Variants in RASA3 observed in about 807,000 individuals in gnomAD.
RASA3 encodes the protein RAS p21 protein activator 3, also known as ras GTPase-activating protein 3.
A neutral mutation model predicts 110.0 loss-of-function variants in RASA3; 73 were observed. The observed-to-expected ratio is 0.66, with a 90% confidence interval of 0.55 to 0.81. The LOEUF (loss-of-function observed/expected upper bound fraction) is 0.81. RASA3 is among the 30% of genes least tolerant of loss of function. RASA3 has a pLI of 0.00. For missense variants in RASA3, 976 were observed against 1,113.2 expected (o/e 0.88, Z 1.75); for synonymous variants, 500 against 451.4 (o/e 1.11, Z -1.37).
At chr13:114,019,004 A>G in intron 9 of RASA3, 85 bp from the exon 10 acceptor site, 1 of 1,536,368 alleles carries the variant, frequency 6.5e-7, no homozygotes, top group Non-Finnish European at 8.9e-7. Context: ...TGCCTGCTTG[A>G]GGTCGACTGG....
At chr13:114,017,563 C>T (rs1490118595) in intron 11 of RASA3, among the ~76,000 whole-genome samples, 3 of 152,262 alleles carry the variant, frequency 2.0e-5, no homozygotes, top group Admixed American at 6.5e-5. Flanking sequence ...CAGAGGGAAC[C>T]GTTCGGCTAC....
intron 8 of RASA3, among the ~76,000 whole-genome samples, chr13:114,022,573 G>A (rs768023428): frequency 2.6e-4 from 39 of 152,306 alleles, no homozygotes; most frequent in East Asian, 7.7e-4. Flanking sequence ...AATCCTGCAG[G>A]GAAGTGGCAC....
rs577268281 is a variant in RASA3, at chr13:114,048,606, GCAGCGCCCGGCAGCCGAGTC to G, written c.277+3426_277+3445del. ...AGTTTCCGGTCTGTGCTCTGTGAGG[GCAGCGCCCGGCAGCCGAGTC>G]CAGGCAGAGGCCGCCTCCCTGCGCC... On this transcript the variant is annotated intron_variant, in intron 3 of 23. Coordinates refer to ENST00000334062, the MANE Select transcript of RASA3 (RefSeq NM_007368.4). This position sits in a 1 kb window ranked among gnomAD's most constrained non-coding sequence, Gnocchi z 4.3. Among the ~76,000 whole-genome samples, 8 of 152,328 alleles carry G rather than the reference GCAGCGCCCGGCAGCCGAGTC, an allele frequency of 5.3e-5. No individual in the cohort carries two copies. Among genetic ancestry groups the G allele is most frequent in the Non-Finnish European group, 1.0e-4 (7 of 68,026 alleles).
chr13:114,035,272 A>G (rs1329517375), intron 4 of RASA3, among the ~76,000 whole-genome samples: 2 of 152,260 alleles, frequency 1.3e-5, no homozygotes, highest in African/African-American at 2.4e-5. Context: ...AAATTCCCAC[A>G]GGAAAGGAAC....
chr13:114,088,686 G>T (rs2079851338), intron 1 of RASA3, among the ~76,000 whole-genome samples: 1 of 152,192 alleles, frequency 6.6e-6, no homozygotes, highest in South Asian at 2.1e-4. Context: ...GAGAAGTTGG[G>T]ATTACAAGCG....
chr13:113,994,229 T>A (rs2053184421), intron 21 of RASA3, among the ~76,000 whole-genome samples: 1 of 152,228 alleles, frequency 6.6e-6, no homozygotes, highest in Non-Finnish European at 1.5e-5. Context: ...TGATCAGATG[T>A]CAATACTGTA....
intron 1 of RASA3, among the ~76,000 whole-genome samples, chr13:114,083,555 C>T (rs1045311161): frequency 7.2e-6 from 1 of 139,526 alleles, no homozygotes; most frequent in African/African-American, 2.6e-5. Flanking sequence ...GGGGAAATCA[C>T]GGGGAAGTGG....
chr13:114,009,504 A>G (rs746465627), intron 16 of RASA3, 40 bp from the exon 17 acceptor site: 23 of 1,347,232 alleles, frequency 1.7e-5, no homozygotes, highest in Middle Eastern at 3.6e-4. Context: ...AGCCCGAAGT[A>G]CCTCGGCTCA....
chr13:114,097,774 C>T (rs906242150), intron 1 of RASA3, among the ~76,000 whole-genome samples: 2 of 152,200 alleles, frequency 1.3e-5, no homozygotes, highest in Non-Finnish European at 2.9e-5. Flanking sequence ...GGGCAAGAGG[C>T]GGGAGAGAGT....
chr13:114,042,879 G>C (rs1444146207), intron 3 of RASA3, among the ~76,000 whole-genome samples: 2 of 152,206 alleles, frequency 1.3e-5, no homozygotes, highest in Non-Finnish European at 2.9e-5. Flanking sequence ...TGGAGGAGCA[G>C]GTACCACTCT....
rs12584121 is a variant in RASA3, at chr13:114,020,680, C to T, written c.785+724G>A. Among the ~76,000 whole-genome samples, 874 of 152,302 alleles carry T rather than the reference C, an allele frequency of 5.7e-3. 23 individuals carry two copies. Among genetic ancestry groups the T allele is most frequent in the East Asian group, 0.057 (294 of 5,166 alleles). On this transcript the variant is annotated intron_variant, in intron 9 of 23. Coordinates refer to ENST00000334062, the MANE Select transcript of RASA3 (RefSeq NM_007368.4). Reference sequence around the variant, plus strand: ...ATGAAACAATGGCCTGTTCCTTCCACCAAAACACCAAGCACCTGGAGACAA... The same window carrying T: ...ATGAAACAATGGCCTGTTCCTTCCATCAAAACACCAAGCACCTGGAGACAA...
chr13:114,121,496 A>C (rs1021471943), intron 1 of RASA3, among the ~76,000 whole-genome samples: 5 of 152,152 alleles, frequency 3.3e-5, no homozygotes, highest in Non-Finnish European at 7.3e-5. Context: ...CTGCACATCA[A>C]GCCGTGCAAC....
Position 114,011,579 on chromosome 13 carries a change from G to A in RASA3, c.1513-331C>T, listed in dbSNP as rs1305304500. Among the ~76,000 whole-genome samples, 2 of 152,122 alleles carry A rather than the reference G, an allele frequency of 1.3e-5. No homozygotes were observed. The highest frequency in any genetic ancestry group is 2.9e-5 in the Non-Finnish European group (2 of 68,020). ...GAGTCTCGGGGTGCTGAGTCTCCTG[G>A]CCCTGCCTGGGGCTCATCTCAGCCT... On this transcript the variant is annotated intron_variant, in intron 15 of 23. Coordinates refer to ENST00000334062, the MANE Select transcript of RASA3 (RefSeq NM_007368.4). This position sits in a 1 kb window ranked among gnomAD's most constrained non-coding sequence, Gnocchi z 4.8.
rs1284180606 is a variant in RASA3 at position 114,112,451 on chromosome 13, C to T, written c.55+19984G>A. ...TACTCTGCAGGAAGAGAATCACACT[C>T]TTTAGACCGGGGTCTCAGATTTCAG... On this transcript the variant is annotated intron_variant, in intron 1 of 23. Coordinates refer to ENST00000334062, the MANE Select transcript of RASA3 (RefSeq NM_007368.4). This position sits in a 1 kb window ranked among gnomAD's most constrained non-coding sequence, Gnocchi z 4.8. 6.6e-6 allele frequency among the ~76,000 whole-genome samples: 1 copy of T among 152,212 alleles called. No individual in the cohort carries two copies. Among genetic ancestry groups the T allele is most frequent in the Non-Finnish European group, 1.5e-5 (1 of 68,030 alleles).
At chr13:114,009,315 T>G (rs907985046) in intron 17 of RASA3, 72 bp downstream of exon 17, 20 of 1,246,900 alleles carry the variant, frequency 1.6e-5, no homozygotes, top group Non-Finnish European at 2.3e-5. Flanking sequence ...GTGGGTTCTA[T>G]CTCAATTTTA....
At chr13:114,013,044 T>G in intron 15 of RASA3, 98 bp downstream of exon 15, 1 of 942,974 alleles carries the variant, frequency 1.1e-6, no homozygotes. Context: ...CATTCCACAC[T>G]CCACACGGTC....
Position 114,013,250 on chromosome 13 carries a change from T to G in RASA3, c.1406-2A>C. The G allele has an allele frequency of 6.2e-6, 10 of 1,609,308 alleles. No homozygotes were observed. Among genetic ancestry groups the G allele is most frequent in the Non-Finnish European group, 8.5e-6 (10 of 1,177,790 alleles). ...CAGTGTACCTGACGTCCGGGTCATC[T>G]GCGGGAGAGAGAAGCAGGGTGACCG... On this transcript the variant is annotated splice_acceptor_variant, in intron 14 of 23. Transcript: ENST00000334062. LOFTEE classifies it high-confidence loss of function.
chr13:114,056,469 C>T lies in RASA3; in HGVS notation c.174-4314G>A. 11 of 985,392 alleles carry T rather than the reference C, an allele frequency of 1.1e-5. No individual in the cohort carries two copies. The highest frequency in any genetic ancestry group is 1.3e-5 in the Non-Finnish European group (11 of 829,920). 61.0% of individuals were successfully genotyped at this position (985,392 alleles called of 1,614,324 possible). A position where few individuals can be genotyped will look rare whatever the true frequency, so the allele number is the denominator to read the frequency against. On this transcript the variant is annotated intron_variant, in intron 2 of 23. Coordinates refer to ENST00000334062, the MANE Select transcript of RASA3 (RefSeq NM_007368.4). The surrounding 1 kb of genome is among the most constrained non-coding windows in gnomAD (Gnocchi z 5.7). ...AACGAAACTAACCCCAGGGCTTGGG[C>T]AGCAGGGCTGAGAGTGCGGCGTCCC...
chr13:114,068,442 G>A (rs1023853244), intron 2 of RASA3, among the ~76,000 whole-genome samples: 6 of 152,234 alleles, frequency 3.9e-5, no homozygotes, highest in South Asian at 2.1e-4. Flanking sequence ...ATGAGGACAC[G>A]ACACTTACTG....
Sources: gnomAD v4.1 joint callset for allele counts (sites outside exome capture counted in the v4.1 genomes callset) on GRCh38, gnomAD v4.1.1 for gene constraint, Gnocchi (gnomAD v3.1) non-coding constraint, MANE v1.5 for transcripts, NCBI Gene and HGNC (gene_info 2026-07-23, HGNC 2026-07-21) for gene names.